The following TMEM107 variants were observed in gnomAD, a reference collection of about 807,000 sequenced individuals.
TMEM107 encodes the protein transmembrane protein 107.
A neutral mutation model predicts 16.8 loss-of-function variants in TMEM107; 18 were observed. The observed-to-expected ratio is 1.07, with a 90% CI of 0.74 to 1.59. TMEM107 has a LOEUF of 1.59. TMEM107 is among the 40% of genes most tolerant of loss of function. The pLI is 0.00. For synonymous variants in TMEM107, 68 were observed against 71.6 expected, an observed-to-expected ratio of 0.95 and a Z score of 0.25; for missense variants, 152 against 175.4, an observed-to-expected ratio of 0.87 and a Z score of 0.75.
At position 8,173,582 on chromosome 17, in the gene TMEM107, T is replaced by A. The variant is rs202130315; in HGVS notation, c.*621A>T. 2.0e-5 allele frequency: 15 copies of A among 764,250 alleles called. No homozygotes were observed. Among genetic ancestry groups the A allele is most frequent in the Non-Finnish European group, 2.9e-5 (12 of 417,418 alleles). The allele number at this position is 764,250 out of a possible 1,614,324, so 47.3% of individuals were successfully genotyped here. A position where few individuals can be genotyped will look rare whatever the true frequency, so the allele number is the denominator to read the frequency against. On this transcript the variant is annotated 3_prime_UTR_variant, in exon 5 of 5. Coordinates refer to ENST00000437139, the MANE Select transcript of TMEM107 (RefSeq NM_183065.4). ...AGGAACAGGTAAGGATTATCCCACC[T>A]GACGATACAGACAAACAGCCGACAT... is the stretch of plus-strand genomic sequence containing the variant.
rs532139251 is a variant in TMEM107, at chr17:8,173,366, G to C, written c.*837C>G. The C allele has an allele frequency of 1.1e-5, 7 of 637,488 alleles. No individual in the cohort carries two copies. The highest frequency in any genetic ancestry group is 2.1e-5 in the Admixed American group (1 of 47,414). 39.5% of individuals were successfully genotyped at this position (637,488 alleles called of 1,614,324 possible). A position where few individuals can be genotyped will look rare whatever the true frequency, so the allele number is the denominator to read the frequency against. The stretch of plus-strand genomic sequence containing the variant: ...AGCAAGACTGCAAAATAGACAAACA[G>C]CAAGGTTATCCCAGTCAGAACTTCA... On this transcript the variant is annotated 3_prime_UTR_variant, in exon 5 of 5. Coordinates refer to ENST00000437139, the MANE Select transcript of TMEM107 (RefSeq NM_183065.4).
Position 8,172,876 on chromosome 17 carries a change from C to CAAAAA in TMEM107, c.*1326_*1327insTTTTT, listed in dbSNP as rs1491219497. Among the ~76,000 whole-genome samples the CAAAAA allele has an allele frequency of 9.1e-6, 1 of 109,890 alleles. No individual in the cohort carries two copies. The highest frequency in any genetic ancestry group is 3.6e-5 in the African/African-American group (1 of 27,834). 72.1% of individuals were successfully genotyped at this position (109,890 alleles called of 152,430 possible). A position where few individuals can be genotyped will look rare whatever the true frequency, so the allele number is the denominator to read the frequency against. ...GTCTCAAAAAAAAAAAAAAAAAAAACCAAAAGAGGGGGGTGGTCAACATAC... is the reference window on the plus strand; with the variant it reads ...GTCTCAAAAAAAAAAAAAAAAAAAACAAAAACAAAAGAGGGGGGTGGTCAACATAC... On this transcript the variant is annotated 3_prime_UTR_variant, in exon 5 of 5. Transcript: ENST00000437139.
Position 8,173,410 on chromosome 17 carries a change from T to C in TMEM107, c.*793A>G, listed in dbSNP as rs201820649. ...AACTTCATAGCTATGTTTGTGGATA[T>C]CTGCTAATCAGCATAACACAAATGT... On this transcript the variant is annotated 3_prime_UTR_variant, in exon 5 of 5. Transcript: ENST00000437139. The C allele has an allele frequency of 7.8e-4, 571 of 730,660 alleles. 2 individuals carry two copies. Among genetic ancestry groups the C allele is most frequent in the Middle Eastern group, 1.8e-3 (5 of 2,816 alleles). The allele number at this position is 730,660 out of a possible 1,614,324, so 45.3% of individuals were successfully genotyped here.
Position 8,175,977 on chromosome 17 carries a change from T to C in TMEM107, c.137A>G (p.Tyr46Cys), listed in dbSNP as rs1430166494. ...AGCTCACTGAATGTCCTGCTTGTCA[T>C]ACTCCTCGGGGGTGAACGTGAGAGG... ...CLPLTFTPEEYDKQDIQLVAA... is the reference protein window; with the variant it reads ...CLPLTFTPEECDKQDIQLVAA... The change falls in exon 2 of 5, where the codon TAT becomes TGT. Residue 46 changes from tyrosine to cysteine, a missense_variant. Coordinates refer to ENST00000437139, the MANE Select transcript of TMEM107 (RefSeq NM_183065.4). 1 of 1,614,138 alleles carries C rather than the reference T, an allele frequency of 6.2e-7. No individual in the cohort carries two copies. Among genetic ancestry groups the C allele is most frequent in the African/African-American group, 1.3e-5 (1 of 74,946 alleles).
rs1567551392 is a variant in TMEM107, at chr17:8,173,583, G to GA, written c.*619dup. The GA allele has an allele frequency of 1.3e-6, 1 of 764,294 alleles. No homozygotes were observed. Among genetic ancestry groups the GA allele is most frequent in the South Asian group, 1.3e-5 (1 of 74,480 alleles). 47.3% of individuals were successfully genotyped at this position (764,294 alleles called of 1,614,324 possible). A position where few individuals can be genotyped will look rare whatever the true frequency, so the allele number is the denominator to read the frequency against. ...GGAACAGGTAAGGATTATCCCACCT[G>GA]ACGATACAGACAAACAGCCGACATT... is the stretch of plus-strand genomic sequence containing the variant. On this transcript the variant is annotated 3_prime_UTR_variant, in exon 5 of 5. Coordinates refer to ENST00000437139, the MANE Select transcript of TMEM107 (RefSeq NM_183065.4).
At position 8,173,851 on chromosome 17, in the gene TMEM107, C is replaced by T; in HGVS notation, c.*352G>A. On this transcript the variant is annotated 3_prime_UTR_variant, in exon 5 of 5. Coordinates refer to ENST00000437139, the MANE Select transcript of TMEM107 (RefSeq NM_183065.4). ...TTCTATTTACATATCTCCGCCCACTCCCTTCCGCCAGGCACCTACCGTAGT... is the reference window on the plus strand; with the variant it reads ...TTCTATTTACATATCTCCGCCCACTTCCTTCCGCCAGGCACCTACCGTAGT... 2 of 489,030 alleles carry T rather than the reference C, an allele frequency of 4.1e-6. No individual in the cohort carries two copies. The highest frequency in any genetic ancestry group is 7.3e-6 in the Non-Finnish European group (2 of 274,948). The allele number at this position is 489,030 out of a possible 1,614,324, so 30.3% of individuals were successfully genotyped here.
In TMEM107 at chr17:8,172,883, AG is replaced by A. The variant is rs1231580848; in HGVS notation, c.*1319del. 6.9e-6 allele frequency among the ~76,000 whole-genome samples: 1 copy of A among 144,944 alleles called. No individual in the cohort carries two copies. Among genetic ancestry groups the A allele is most frequent in the Non-Finnish European group, 1.5e-5 (1 of 65,784 alleles). On this transcript the variant is annotated 3_prime_UTR_variant, in exon 5 of 5. Transcript: ENST00000437139. ...AAAAAAAAAAAAAAAAAACCAAAAG[AG>A]GGGGGTGGTCAACATACCATATGCT...
chr17:8,173,987 T>C lies in TMEM107; in HGVS notation c.*216A>G, dbSNP rs1983918038. 1 of 569,842 alleles carries C rather than the reference T, an allele frequency of 1.8e-6. No homozygotes were observed. The highest frequency in any genetic ancestry group is 3.1e-6 in the Non-Finnish European group (1 of 319,320). The allele number at this position is 569,842 out of a possible 1,614,324, so 35.3% of individuals were successfully genotyped here. On this transcript the variant is annotated 3_prime_UTR_variant, in exon 5 of 5. Coordinates refer to ENST00000437139, the MANE Select transcript of TMEM107 (RefSeq NM_183065.4). ...ATCTCAATTGTCCCCTAAAACTGTA[T>C]ATAAGTCTTAATGTTACTACAAAAC...
At position 8,174,165 on chromosome 17, in the gene TMEM107, C is replaced by T. The variant is rs1341034626; in HGVS notation, c.*38G>A. On this transcript the variant is annotated 3_prime_UTR_variant, in exon 5 of 5. Transcript: ENST00000437139. The stretch of plus-strand genomic sequence containing the variant: ...CAGGAATACGAAGCGGCCCTTGCCC[C>T]TGTAGGCTTCGTCCTTAGGTTCCCG... 1 of 1,597,038 alleles carries T rather than the reference C, an allele frequency of 6.3e-7. No homozygotes were observed. Among genetic ancestry groups the T allele is most frequent in the African/African-American group, 1.3e-5 (1 of 74,548 alleles).
In TMEM107 at chr17:8,173,858, G is replaced by T. The variant is rs1983905387; in HGVS notation, c.*345C>A. 3 of 482,358 alleles carry T rather than the reference G, an allele frequency of 6.2e-6. No individual in the cohort carries two copies. Among genetic ancestry groups the T allele is most frequent in the Middle Eastern group, 5.4e-4 (1 of 1,836 alleles). 29.9% of individuals were successfully genotyped at this position (482,358 alleles called of 1,614,324 possible). On this transcript the variant is annotated 3_prime_UTR_variant, in exon 5 of 5. Transcript: ENST00000437139. ...TACATATCTCCGCCCACTCCCTTCC[G>T]CCAGGCACCTACCGTAGTAACCAAA... is the stretch of plus-strand genomic sequence containing the variant.
In TMEM107 at chr17:8,173,513, T is replaced by C. The variant is rs533335254; in HGVS notation, c.*690A>G. 26 of 765,342 alleles carry C rather than the reference T, an allele frequency of 3.4e-5. No individual in the cohort carries two copies. Among genetic ancestry groups the C allele is most frequent in the East Asian group, 7.3e-5 (3 of 41,250 alleles). 47.4% of individuals were successfully genotyped at this position (765,342 alleles called of 1,614,324 possible). A position where few individuals can be genotyped will look rare whatever the true frequency, so the allele number is the denominator to read the frequency against. On this transcript the variant is annotated 3_prime_UTR_variant, in exon 5 of 5. Transcript: ENST00000437139. ...GATTACGCAGAGACGTTAATCACGT[T>C]TCATGCATCTCCAATCATCATGTTC...
rs747057554 is a variant in TMEM107 at position 8,173,566 on chromosome 17, T to TA, written c.*636dup. On this transcript the variant is annotated 3_prime_UTR_variant, in exon 5 of 5. Transcript: ENST00000437139. ...ATCTGCCCTCCGGAGGAGGAACAGG[T>TA]AAGGATTATCCCACCTGACGATACA... 22 of 765,138 alleles carry TA rather than the reference T, an allele frequency of 2.9e-5. No homozygotes were observed. Among genetic ancestry groups the TA allele is most frequent in the East Asian group, 9.7e-5 (4 of 41,258 alleles). 47.4% of individuals were successfully genotyped at this position (765,138 alleles called of 1,614,324 possible).
At chr17:8,176,126 G>A in intron 1 of TMEM107, 74 bp downstream of exon 1, 2 of 1,599,302 alleles carry the variant, frequency 1.3e-6, no homozygotes, top group Non-Finnish European at 1.7e-6. Context: ...TAAGACACTG[G>A]GAGGGGGCAG....
Position 8,173,357 on chromosome 17 carries a change from A to G in TMEM107, c.*846T>C, listed in dbSNP as rs1017399243. The G allele has an allele frequency of 1.3e-5, 8 of 615,038 alleles. No homozygotes were observed. The East Asian group carries it at 1.9e-4, about 15-fold the overall frequency. 38.1% of individuals were successfully genotyped at this position (615,038 alleles called of 1,614,324 possible). On this transcript the variant is annotated 3_prime_UTR_variant, in exon 5 of 5. Coordinates refer to ENST00000437139, the MANE Select transcript of TMEM107 (RefSeq NM_183065.4). ...AACAGCAATAGCAAGACTGCAAAAT[A>G]GACAAACAGCAAGGTTATCCCAGTC...
At position 8,173,516 on chromosome 17, in the gene TMEM107, A is replaced by AT. The variant is rs1983812276; in HGVS notation, c.*686dup. ...TACGCAGAGACGTTAATCACGTTTC[A>AT]TGCATCTCCAATCATCATGTTCTAA... On this transcript the variant is annotated 3_prime_UTR_variant, in exon 5 of 5. Transcript: ENST00000437139. 1.3e-6 allele frequency: 1 copy of AT among 765,308 alleles called. No homozygotes were observed. The highest frequency in any genetic ancestry group is 1.3e-5 in the South Asian group (1 of 74,626). The allele number at this position is 765,308 out of a possible 1,614,324, so 47.4% of individuals were successfully genotyped here. A position where few individuals can be genotyped will look rare whatever the true frequency, so the allele number is the denominator to read the frequency against.
rs1983978798 is a variant in TMEM107 at position 8,174,626 on chromosome 17, G to T, written c.257-10C>A. On this transcript the variant is annotated splice_polypyrimidine_tract_variant and intron_variant, in intron 3 of 4. Transcript: ENST00000437139. ...CAGTGAGCCCCAATGGCTTGGGAAG[G>T]CACGAGATTAAGGAAAGTCTTTGGA... The T allele has an allele frequency of 6.2e-7, 1 of 1,613,118 alleles. No individual in the cohort carries two copies. Among genetic ancestry groups the T allele is most frequent in the Admixed American group, 1.7e-5 (1 of 60,014 alleles).
rs1406641713 is a variant in TMEM107, at chr17:8,172,792, A to C, written c.*1411T>G. 7.1e-6 allele frequency among the ~76,000 whole-genome samples: 1 copy of C among 141,658 alleles called. No homozygotes were observed. Among genetic ancestry groups the C allele is most frequent in the Non-Finnish European group, 1.5e-5 (1 of 66,610 alleles). 92.9% of individuals were successfully genotyped at this position (141,658 alleles called of 152,430 possible). A position where few individuals can be genotyped will look rare whatever the true frequency, so the allele number is the denominator to read the frequency against. The stretch of plus-strand genomic sequence containing the variant: ...TCTGAGCCTGGGAGTTTGAGGCTGC[A>C]GTGAGCCATGATCCCACCACTGCAC... On this transcript the variant is annotated 3_prime_UTR_variant, in exon 5 of 5. Transcript: ENST00000437139.
In TMEM107 at chr17:8,173,336, G is replaced by C. The variant is rs370616206; in HGVS notation, c.*867C>G. The C allele has an allele frequency of 3.4e-6, 2 of 581,390 alleles. No homozygotes were observed. The highest frequency in any genetic ancestry group is 6.2e-6 in the Non-Finnish European group (2 of 322,246). The allele number at this position is 581,390 out of a possible 1,614,324, so 36.0% of individuals were successfully genotyped here. On this transcript the variant is annotated 3_prime_UTR_variant, in exon 5 of 5. Coordinates refer to ENST00000437139, the MANE Select transcript of TMEM107 (RefSeq NM_183065.4). ...AGCAAGACTGCAAAATAGACAAACA[G>C]CAATAGCAAGACTGCAAAATAGACA...
At chr17:8,174,396 A>G in intron 4 of TMEM107, 124 bp from the exon 5 acceptor site, 1 of 1,303,006 alleles carries the variant, frequency 7.7e-7, no homozygotes, top group Non-Finnish European at 1.1e-6. Context: ...AAACTTTAAA[A>G]GCCTACAGGA....
Sources: allele counts gnomAD v4.1 joint callset (sites outside exome capture counted in the v4.1 genomes callset), GRCh38; gene constraint gnomAD v4.1.1; transcripts MANE v1.5; gene names NCBI Gene and HGNC (gene_info 2026-07-23, HGNC 2026-07-21).